Variants in TENM2 observed in about 807,000 individuals in gnomAD.
TENM2 encodes teneurin-2.
A neutral mutation model predicts 245.2 loss-of-function variants in TENM2; 52 were observed. That is an observed-to-expected ratio of 0.21 (90% CI 0.17 to 0.27). The LOEUF (loss-of-function observed/expected upper bound fraction) is 0.27, where lower values mean the gene tolerates loss of function less well. TENM2 is among the 10% of genes least tolerant of loss of function. The pLI is 1.00. For missense variants in TENM2, 3,046 were observed against 3,666.8 expected (o/e 0.83, Z 4.37); for synonymous variants, 1,363 against 1,438.9 (o/e 0.95, Z 1.19).
the TENM2 span, among the ~76,000 whole-genome samples, chr5:167,137,342 T>C: frequency 2.0e-5 from 3 of 152,334 alleles, no homozygotes; most frequent in South Asian, 6.2e-4. Flanking sequence ...ACTCACTTTT[T>C]TAAACTTATG....
the TENM2 span, among the ~76,000 whole-genome samples, chr5:167,168,864 A>T: frequency 6.6e-6 from 1 of 152,124 alleles, no homozygotes; most frequent in Admixed American, 6.5e-5. Context: ...GATTCAAGCG[A>T]TTCTCCTGCC....
the TENM2 span, among the ~76,000 whole-genome samples, chr5:167,019,704 A>C: frequency 6.6e-6 from 1 of 151,978 alleles, no homozygotes; most frequent in Non-Finnish European, 1.5e-5. Context: ...TCCTGACCTC[A>C]AGTGATCCGC....
At chr5:167,952,595 G>C in exon 4 of TENM2, 5 of 1,608,938 alleles carry the variant, frequency 3.1e-6, no homozygotes, top group African/African-American at 1.3e-5. Context: ...CAGGCCCTCC[G>C]AACCACCACA....
At chr5:168,003,915 T>C (rs1204689729) in intron 5 of TENM2, among the ~76,000 whole-genome samples, 3 of 152,234 alleles carry the variant, frequency 2.0e-5, no homozygotes, top group Admixed American at 2.0e-4. Flanking sequence ...CAACTTATGC[T>C]ACAAAATCAC....
the TENM2 span, among the ~76,000 whole-genome samples, chr5:167,192,824 C>G: frequency 7.9e-5 from 12 of 152,026 alleles, no homozygotes; most frequent in Non-Finnish European, 7.4e-5. Flanking sequence ...CACGCAACTT[C>G]ACTTAGGAAG....
At chr5:167,682,775 G>A (rs4582299) in intron 2 of TENM2, among the ~76,000 whole-genome samples, 91,507 of 151,908 alleles carry the variant, frequency 0.6, 30,459 homozygotes, top group East Asian at 0.93. Flanking sequence ...ACTTTAGATG[G>A]TATAGGCACA....
chr5:167,139,778 A>C, the TENM2 span, among the ~76,000 whole-genome samples: 1 of 152,236 alleles, frequency 6.6e-6, no homozygotes, highest in Non-Finnish European at 1.5e-5. Flanking sequence ...AGAAGATACA[A>C]ATATGAAAAA....
chr5:167,636,444 T>C (rs1298268255), intron 2 of TENM2, among the ~76,000 whole-genome samples: 1 of 152,180 alleles, frequency 6.6e-6, no homozygotes, highest in East Asian at 1.9e-4. Flanking sequence ...GCCTTGCGAG[T>C]TTTATTTTAA....
At chr5:167,007,974 G>T in the TENM2 span, among the ~76,000 whole-genome samples, 1,148 of 152,232 alleles carry the variant, frequency 7.5e-3, 9 homozygotes, top group African/African-American at 0.026. This position sits in a 1 kb window ranked among gnomAD's most constrained non-coding sequence, Gnocchi z 4.2. Context: ...AAGCTTCCCT[G>T]TGCAACTAAG....
At chr5:167,232,415 T>G in the TENM2 span, among the ~76,000 whole-genome samples, 4 of 151,972 alleles carry the variant, frequency 2.6e-5, no homozygotes, top group East Asian at 7.8e-4. Flanking sequence ...CTCTGTCACC[T>G]AGGCTAGAGT....
intron 7 of TENM2, among the ~76,000 whole-genome samples, chr5:168,078,907 A>G (rs925167564): frequency 1.3e-5 from 2 of 152,308 alleles, no homozygotes; most frequent in Middle Eastern, 3.4e-3. Flanking sequence ...TGTCTTGGCA[A>G]TGTGGGCTCT....
At chr5:168,228,248 A>C in intron 25 of TENM2, 118 bp downstream of exon 27, 1 of 806,788 alleles carries the variant, frequency 1.2e-6, no homozygotes, top group Non-Finnish European at 2.0e-6. Context: ...CTTTCCTCAC[A>C]GAGCTGAGAA....
At chr5:168,023,962 A>C (rs1862419) in intron 5 of TENM2, among the ~76,000 whole-genome samples, 61,872 of 152,018 alleles carry the variant, frequency 0.41, 13,615 homozygotes, top group African/African-American at 0.57. Context: ...TGTGACGTAT[A>C]TATAAGATGT....
chr5:167,722,909 G>A lies in TENM2; in HGVS notation c.503-153077G>A, dbSNP rs1010987868. Among the ~76,000 whole-genome samples, 5 of 152,122 alleles carry A rather than the reference G, an allele frequency of 3.3e-5. No individual in the cohort carries two copies. The East Asian group carries it at 7.7e-4, about 23-fold the overall frequency. On this transcript the variant is annotated intron_variant, in intron 2 of 28. Coordinates refer to ENST00000518659, the Ensembl canonical transcript of TENM2. ...GTCTTTGTCCAATATGAGTAGTCAC[G>A]GAGAAATGAGGCAGTTTATTGGTAG... is the stretch of plus-strand genomic sequence containing the variant.
intron 2 of TENM2, among the ~76,000 whole-genome samples, chr5:167,738,915 A>G (rs949501643): frequency 6.6e-6 from 1 of 152,176 alleles, no homozygotes; most frequent in Non-Finnish European, 1.5e-5. Flanking sequence ...ATCTCCACAT[A>G]TAGTCCCATA....
chr5:167,116,115 C>T, the TENM2 span, among the ~76,000 whole-genome samples: 1 of 152,184 alleles, frequency 6.6e-6, no homozygotes, highest in Middle Eastern at 3.4e-3. Flanking sequence ...GAAGCAGATG[C>T]CAAAATGGGA....
At chr5:167,029,838 C>T in the TENM2 span, among the ~76,000 whole-genome samples, 3 of 152,098 alleles carry the variant, frequency 2.0e-5, no homozygotes, top group East Asian at 5.8e-4. Context: ...ACAAAGGAAA[C>T]ATTTTATTCC....
intron 2 of TENM2, among the ~76,000 whole-genome samples, chr5:167,542,870 C>A (rs1156788697): frequency 6.6e-6 from 1 of 152,052 alleles, no homozygotes; most frequent in Non-Finnish European, 1.5e-5. Flanking sequence ...TGGACCAAAC[C>A]ACCCCAAAAC....
chr5:167,879,072 C>G (rs1773667426), intron 3 of TENM2, among the ~76,000 whole-genome samples: 1 of 152,160 alleles, frequency 6.6e-6, no homozygotes, highest in Non-Finnish European at 1.5e-5. Context: ...GTACACAATT[C>G]CTTCCCGAGG....
Sources: allele counts gnomAD v4.1 joint callset (sites outside exome capture counted in the v4.1 genomes callset), GRCh38; gene constraint gnomAD v4.1.1; non-coding constraint Gnocchi (gnomAD v3.1); transcripts MANE v1.5; gene names NCBI Gene and HGNC (gene_info 2026-07-23, HGNC 2026-07-21).